The following FBN2 variants were observed in gnomAD, a reference collection of about 807,000 sequenced individuals.
The protein encoded by FBN2 is fibrillin-2.
A neutral mutation model predicts 355.6 loss-of-function variants in FBN2; 105 were observed. The ratio of observed to expected loss-of-function variants is 0.30; its 90% CI spans 0.25 to 0.35. FBN2 has a LOEUF of 0.35. Among genes scored for constraint, FBN2 ranks in the 10% least tolerant of loss-of-function variants. FBN2 has a pLI of 1.00. For missense variants in FBN2, 3,280 were observed against 3,758.7 expected (o/e 0.87, Z 3.33); for synonymous variants, 1,350 against 1,301.2 (o/e 1.04, Z -0.81).
intron 7 of FBN2, 86 bp from the exon 8 acceptor site, chr5:128,408,885 AGCAT>A (rs1753000003): frequency 1.4e-6 from 2 of 1,456,542 alleles, no homozygotes; most frequent in Non-Finnish European, 1.9e-6. Flanking sequence ...AGAGTATGAG[AGCAT>A]TCATGGTTGA....
chr5:128,461,771 T>C (rs986355365), intron 6 of FBN2, among the ~76,000 whole-genome samples: 1 of 151,058 alleles, frequency 6.6e-6, no homozygotes, highest in African/African-American at 2.4e-5. Flanking sequence ...AAACACCACA[T>C]GTTCTCACTC....
At chr5:128,480,866 T>A (rs188975900) in intron 5 of FBN2, among the ~76,000 whole-genome samples, 1 of 152,244 alleles carries the variant, frequency 6.6e-6, no homozygotes, top group East Asian at 1.9e-4. Flanking sequence ...GACAGTGATA[T>A]CGCAAGACTA....
intron 14 of FBN2, among the ~76,000 whole-genome samples, chr5:128,376,310 T>C (rs1180494701): frequency 6.6e-6 from 1 of 152,216 alleles, no homozygotes; most frequent in Admixed American, 6.5e-5. Flanking sequence ...ACAAATGGTC[T>C]GTATATTAGC....
chr5:128,507,909 C>T (rs1756008711), intron 5 of FBN2, among the ~76,000 whole-genome samples: 1 of 151,952 alleles, frequency 6.6e-6, no homozygotes, highest in Non-Finnish European at 1.5e-5. Context: ...TCTACACCTC[C>T]TTGCAGTTCT....
At chr5:128,504,253 G>A (rs1402284780) in intron 5 of FBN2, among the ~76,000 whole-genome samples, 1 of 152,176 alleles carries the variant, frequency 6.6e-6, no homozygotes, top group African/African-American at 2.4e-5. Context: ...GTGTGGAAGG[G>A]AAATGTGGGG....
intron 5 of FBN2, among the ~76,000 whole-genome samples, chr5:128,466,673 C>T (rs1011023497): frequency 6.6e-6 from 1 of 152,258 alleles, no homozygotes; most frequent in Non-Finnish European, 1.5e-5. Flanking sequence ...AATTTCTTGG[C>T]AAGCCATTTT....
Position 128,305,515 on chromosome 5 carries a change from A to G in FBN2, c.5670T>C (p.Cys1890=), listed in dbSNP as rs74811638. The change falls in exon 44 of 65, where the codon TGT becomes TGC. Residue 1890 remains cysteine, a synonymous_variant. Transcript: ENST00000262464. The stretch of plus-strand genomic sequence containing the variant: ...ATGAGTCAGCCTCTTTCTTACCTAC[A>G]CAGGCCCCATTGGGTGAAAGTTTGA... The part of the protein sequence containing the change: ...AGFKLSPNGA[C]VDRNECLEIP... The G allele has an allele frequency of 2.0e-4, 320 of 1,614,054 alleles. 3 individuals are homozygous for G. In the East Asian group the frequency reaches 6.5e-3, roughly 33 times the overall value.
chr5:128,424,695 T>C (rs933934861), intron 7 of FBN2, among the ~76,000 whole-genome samples: 4 of 152,170 alleles, frequency 2.6e-5, no homozygotes, highest in African/African-American at 9.7e-5. Flanking sequence ...GGCTGAATAA[T>C]TGCATTTTTG....
intron 31 of FBN2, among the ~76,000 whole-genome samples, chr5:128,333,839 TCACACA>T (rs368334500): frequency 0.086 from 10,531 of 122,852 alleles, 407 homozygotes; most frequent in Middle Eastern, 0.11. Context: ...GATGCTGAAA[TCACACA>T]CACACACACA....
intron 7 of FBN2, among the ~76,000 whole-genome samples, chr5:128,443,560 T>A (rs1278681683): frequency 2.6e-5 from 4 of 152,164 alleles, no homozygotes; most frequent in Non-Finnish European, 4.4e-5. Context: ...ATCAATAACA[T>A]AATGTTTAAC....
chr5:128,325,811 T>A (rs1395844901), intron 34 of FBN2, among the ~76,000 whole-genome samples: 1 of 152,170 alleles, frequency 6.6e-6, no homozygotes, highest in African/African-American at 2.4e-5. Flanking sequence ...AGCAATTACA[T>A]TTTCATCTGT....
chr5:128,456,619 G>C (rs1309388502), intron 6 of FBN2, among the ~76,000 whole-genome samples: 1 of 152,092 alleles, frequency 6.6e-6, no homozygotes, highest in Non-Finnish European at 1.5e-5. Flanking sequence ...TAGTCTCCTT[G>C]AGTGACATCT....
At chr5:128,296,492 T>C (rs908882437) in intron 48 of FBN2, among the ~76,000 whole-genome samples, 20 of 152,138 alleles carry the variant, frequency 1.3e-4, no homozygotes, top group African/African-American at 4.8e-4. Flanking sequence ...TGGTAAGCTA[T>C]TGATTATTGC....
chr5:128,537,146 G>A (rs981059036), intron 1 of FBN2, among the ~76,000 whole-genome samples: 4 of 152,152 alleles, frequency 2.6e-5, no homozygotes, highest in African/African-American at 9.7e-5. Context: ...CCCGGAGAGA[G>A]GGCTTTCCGC....
intron 6 of FBN2, among the ~76,000 whole-genome samples, chr5:128,447,266 G>A (rs1006685376): frequency 2.0e-5 from 3 of 152,202 alleles, no homozygotes; most frequent in Non-Finnish European, 4.4e-5. Flanking sequence ...TGAGAGCTGG[G>A]TGGAACAGAG....
chr5:128,345,072 G>A (rs1751136933), intron 24 of FBN2, among the ~76,000 whole-genome samples: 1 of 152,156 alleles, frequency 6.6e-6, no homozygotes, highest in African/African-American at 2.4e-5. Flanking sequence ...AAGATAAGTG[G>A]GAATAGGTAA....
At chr5:128,438,851 A>T (rs772502975) in intron 7 of FBN2, among the ~76,000 whole-genome samples, 3 of 152,106 alleles carry the variant, frequency 2.0e-5, no homozygotes, top group Non-Finnish European at 2.9e-5. Flanking sequence ...AGGTTAGGGC[A>T]CTCAATGTGA....
intron 42 of FBN2, among the ~76,000 whole-genome samples, chr5:128,306,758 A>C (rs1749896042): frequency 6.6e-6 from 1 of 152,248 alleles, no homozygotes; most frequent in African/African-American, 2.4e-5. Context: ...AAAAAGGGAT[A>C]CTGCAAAAAT....
In FBN2 at chr5:128,537,745, T is replaced by G; in HGVS notation, c.-142A>C. 1 of 811,240 alleles carries G rather than the reference T, an allele frequency of 1.2e-6. No individual in the cohort carries two copies. The allele number at this position is 811,240 out of a possible 1,614,324, so 50.3% of individuals were successfully genotyped here. On this transcript the variant is annotated 5_prime_UTR_variant, in exon 1 of 65. Transcript: ENST00000262464. The stretch of plus-strand genomic sequence containing the variant: ...TCCCTCGGGCTCGGGCTCCCTGCTC[T>G]AGCTGGAGACCTCGACAGAGCGCCG...
Sources: allele counts gnomAD v4.1 joint callset (sites outside exome capture counted in the v4.1 genomes callset), GRCh38; gene constraint gnomAD v4.1.1; transcripts MANE v1.5; gene names NCBI Gene and HGNC (gene_info 2026-07-23, HGNC 2026-07-21).